Variants in CCDC7 observed in about 807,000 individuals in gnomAD.
CCDC7 encodes the protein coiled-coil domain-containing protein 7.
In CCDC7, 183 loss-of-function variants were observed where a neutral mutation model predicts 196.9. The observed-to-expected ratio is 0.93, with a 90% CI of 0.82 to 1.05. CCDC7 has a LOEUF of 1.05. Among genes scored for constraint, CCDC7 ranks in the 50% least tolerant of loss-of-function variants. CCDC7 has a pLI of 0.00. For synonymous variants in CCDC7, 525 were observed against 484.6 expected, an observed-to-expected ratio of 1.08 and a Z score of -1.10; for missense variants, 1,540 against 1,482.2, an observed-to-expected ratio of 1.04 and a Z score of -0.64.
rs557054891 is a variant in CCDC7 at position 32,488,570 on chromosome 10, C to T, written c.797-3352C>T. Among the ~76,000 whole-genome samples the T allele has an allele frequency of 9.2e-5, 14 of 152,276 alleles. No homozygotes were observed. In the South Asian group the frequency reaches 1.2e-3, roughly 14 times the overall value. ...AAATGCAGAAATCACCCGTCTTCTG[C>T]GTCGCTCACGCTGGGAGCTGTAGAC... is the stretch of plus-strand genomic sequence containing the variant. On this transcript the variant is annotated intron_variant, in intron 8 of 41. Coordinates refer to ENST00000639629, the Ensembl canonical transcript of CCDC7.
At chr10:32,676,577 C>T (rs1285202164) in intron 21 of CCDC7, among the ~76,000 whole-genome samples, 2 of 152,168 alleles carry the variant, frequency 1.3e-5, no homozygotes, top group Non-Finnish European at 2.9e-5. Context: ...GCAAACACTT[C>T]TCAAAAGAAG....
exon 32 of CCDC7, chr10:32,824,579 G>A (rs181212619): frequency 7.6e-5 from 123 of 1,611,010 alleles, no homozygotes; most frequent in Admixed American, 3.3e-4. Context: ...CAATTAAGAC[G>A]CAGTTAAAGA....
chr10:32,867,704 A>G (rs1413631886), intron 41 of CCDC7, among the ~76,000 whole-genome samples: 1 of 151,800 alleles, frequency 6.6e-6, no homozygotes, highest in Non-Finnish European at 1.5e-5. Flanking sequence ...AATAATTCTC[A>G]TTAAAGATAA....
At chr10:32,502,647 T>C (rs2044254438) in intron 9 of CCDC7, among the ~76,000 whole-genome samples, 1 of 152,156 alleles carries the variant, frequency 6.6e-6, no homozygotes, top group Admixed American at 6.5e-5. Flanking sequence ...TCAGGGTCTT[T>C]TGTGGTCCCA....
intron 28 of CCDC7, among the ~76,000 whole-genome samples, chr10:32,765,453 T>A (rs1591501): frequency 6.6e-6 from 1 of 151,818 alleles, no homozygotes; most frequent in Non-Finnish European, 1.5e-5. Flanking sequence ...TTCCCCAGTT[T>A]GTGAATGTAT....
Position 32,564,615 on chromosome 10 carries a change from C to A in CCDC7, c.1135-943C>A, listed in dbSNP as rs370490852. Among the ~76,000 whole-genome samples, 18 of 147,826 alleles carry A rather than the reference C, an allele frequency of 1.2e-4. No homozygotes were observed. The East Asian group carries it at 3.2e-3, about 26-fold the overall frequency. On this transcript the variant is annotated intron_variant, in intron 13 of 41. Coordinates refer to ENST00000639629, the Ensembl canonical transcript of CCDC7. ...GAATTGAACAATGAGAACACATGGACACAGGAAGGGGAACATCACACTCTG... is the reference window on the plus strand; with the variant it reads ...GAATTGAACAATGAGAACACATGGAAACAGGAAGGGGAACATCACACTCTG...
chr10:32,543,628 G>A (rs891489275), intron 12 of CCDC7, among the ~76,000 whole-genome samples: 1 of 151,992 alleles, frequency 6.6e-6, no homozygotes, highest in Admixed American at 6.6e-5. Flanking sequence ...TCAGAAATAG[G>A]TGAACAGAAT....
chr10:32,633,704 G>A (rs868183167), intron 18 of CCDC7, among the ~76,000 whole-genome samples: 10,013 of 70,772 alleles, frequency 0.14, 1,141 homozygotes, highest in African/African-American at 0.28. Flanking sequence ...ATATGTGTGT[G>A]TGTGTGTGTG....
rs555366175 is a variant in CCDC7 at position 32,843,971 on chromosome 10, G to GT, written c.3353-1271dup. 1.4e-3 allele frequency among the ~76,000 whole-genome samples: 218 copies of GT among 151,972 alleles called. 1 individual carries two copies. Among genetic ancestry groups the GT allele is most frequent in the African/African-American group, 5.0e-3 (207 of 41,518 alleles). ...ATATTTGGGCTTCAAATGTTACACT[G>GT]TAATACTTAACATTTATTCAAGAGC... is the stretch of plus-strand genomic sequence containing the variant. On this transcript the variant is annotated intron_variant, in intron 33 of 41. Transcript: ENST00000639629.
At chr10:32,853,121 T>A (rs939321344) in intron 40 of CCDC7, among the ~76,000 whole-genome samples, 1 of 152,148 alleles carries the variant, frequency 6.6e-6, no homozygotes, top group Non-Finnish European at 1.5e-5. Flanking sequence ...CAACACTGCT[T>A]TTCATTAATG....
At chr10:32,813,761 A>C (rs1010212903) in intron 30 of CCDC7, among the ~76,000 whole-genome samples, 1 of 152,206 alleles carries the variant, frequency 6.6e-6, no homozygotes, top group Non-Finnish European at 1.5e-5. Flanking sequence ...TTACTGGTTA[A>C]GAAATTGTGC....
In CCDC7 at chr10:32,575,703, C is replaced by T. The variant is rs559634711; in HGVS notation, c.1454+3810C>T. ...CAGTGAGTCAAACAGTCCTGGTGAG[C>T]CAGCTCTGTGAAACCACAAAAAGAG... On this transcript the variant is annotated intron_variant, in intron 16 of 41. Coordinates refer to ENST00000639629, the Ensembl canonical transcript of CCDC7. Among the ~76,000 whole-genome samples, 7 of 152,204 alleles carry T rather than the reference C, an allele frequency of 4.6e-5. No individual in the cohort carries two copies. In the East Asian group the frequency reaches 1.2e-3, roughly 25 times the overall value.
At chr10:32,845,322 C>T (rs761169632) in exon 34 of CCDC7, 53 of 1,560,392 alleles carry the variant, frequency 3.4e-5, no homozygotes, top group Admixed American at 7.6e-5. Context: ...TAAAGGGTCA[C>T]CAAAGTAAGA....
chr10:32,773,541 G>T (rs555351772), intron 28 of CCDC7, among the ~76,000 whole-genome samples: 22 of 151,314 alleles, frequency 1.5e-4, no homozygotes, highest in African/African-American at 5.1e-4. Flanking sequence ...TCTATTTCTT[G>T]GTTAAATTTC....
At chr10:32,863,838 T>C (rs72784024) in intron 41 of CCDC7, among the ~76,000 whole-genome samples, 14,059 of 151,616 alleles carry the variant, frequency 0.093, 905 homozygotes, top group East Asian at 0.33. Context: ...ATGCTGACTT[T>C]GGCAGGGATT....
At chr10:32,831,228 G>A (rs1397837100) in intron 32 of CCDC7, among the ~76,000 whole-genome samples, 1 of 152,108 alleles carries the variant, frequency 6.6e-6, no homozygotes, top group African/African-American at 2.4e-5. Context: ...AAAAATACCA[G>A]ATAAAAGATA....
intron 22 of CCDC7, among the ~76,000 whole-genome samples, chr10:32,687,126 C>A (rs2141166068): frequency 6.6e-6 from 1 of 152,294 alleles, no homozygotes; most frequent in Admixed American, 6.5e-5. Flanking sequence ...CTAAGAAGTA[C>A]CATAGCATTA....
chr10:32,747,760 T>C (rs2075029090), intron 28 of CCDC7, among the ~76,000 whole-genome samples: 1 of 152,162 alleles, frequency 6.6e-6, no homozygotes, highest in Non-Finnish European at 1.5e-5. Flanking sequence ...CACTGCTGGT[T>C]GGAATGTAAA....
At chr10:32,811,349 A>G (rs1286465189) in intron 30 of CCDC7, among the ~76,000 whole-genome samples, 2 of 152,120 alleles carry the variant, frequency 1.3e-5, no homozygotes, top group African/African-American at 2.4e-5. Flanking sequence ...ACAAAAGATC[A>G]TCAGAAAATA....
Sources: gnomAD v4.1 joint callset for allele counts (sites outside exome capture counted in the v4.1 genomes callset) on GRCh38, gnomAD v4.1.1 for gene constraint, MANE v1.5 for transcripts, NCBI Gene and HGNC (gene_info 2026-07-23, HGNC 2026-07-21) for gene names.